The following PARP8 variants were observed in gnomAD, a reference collection of about 807,000 sequenced individuals.
PARP8 encodes the protein poly(ADP-ribose) polymerase family member 8, also known as protein mono-ADP-ribosyltransferase PARP8.
Under a neutral mutation model 124.1 loss-of-function variants are expected in PARP8, and 51 were observed. That is an observed-to-expected ratio of 0.41 (90% CI 0.33 to 0.52). The LOEUF is 0.52. Among genes scored for constraint, PARP8 ranks in the 20% least tolerant of loss-of-function variants. PARP8 has a pLI of 0.21. For synonymous variants in PARP8, 391 were observed against 361.5 expected, an observed-to-expected ratio of 1.08 and a Z score of -0.93; for missense variants, 860 against 1,018.9, an observed-to-expected ratio of 0.84 and a Z score of 2.12.
chr5:50,684,587 T>C (rs4865975), intron 2 of PARP8, among the ~76,000 whole-genome samples: 151,474 of 152,242 alleles, frequency 0.99, 75,359 homozygotes, highest in Middle Eastern at 1. Flanking sequence ...AGTCTAGTCT[T>C]GACAGAGCAC....
intron 2 of PARP8, among the ~76,000 whole-genome samples, chr5:50,703,510 A>G (rs554187419): frequency 3.3e-5 from 5 of 152,192 alleles, no homozygotes; most frequent in South Asian, 4.1e-4. Context: ...ATTCATGATT[A>G]TTATTACTGC....
chr5:50,767,201 G>T (rs2404958), intron 7 of PARP8, among the ~76,000 whole-genome samples: 71,283 of 151,866 alleles, frequency 0.47, 18,704 homozygotes, highest in African/African-American at 0.72. Flanking sequence ...GAGTGAGATA[G>T]AAATCTTTTT....
At chr5:50,709,513 G>A (rs1456561460) in intron 2 of PARP8, among the ~76,000 whole-genome samples, 2 of 151,466 alleles carry the variant, frequency 1.3e-5, no homozygotes, top group East Asian at 1.9e-4. Context: ...TCATATTCAT[G>A]TTGTAGGCTT....
intron 2 of PARP8, among the ~76,000 whole-genome samples, chr5:50,678,015 CCTTGGCA>C (rs1045411240): frequency 6.6e-6 from 1 of 151,490 alleles, no homozygotes; most frequent in African/African-American, 2.4e-5. Flanking sequence ...AGTAAAAGTG[CCTTGGCA>C]CAGAACTAAA....
At position 50,842,638 on chromosome 5, in the gene PARP8, C is replaced by G. The variant is rs534198097; in HGVS notation, c.*570C>G. 1 of 151,870 alleles carries G rather than the reference C, an allele frequency of 6.6e-6. No homozygotes were observed. Among genetic ancestry groups the G allele is most frequent in the Admixed American group, 6.6e-5 (1 of 15,200 alleles). 9.4% of individuals were successfully genotyped at this position (151,870 alleles called of 1,614,324 possible). On this transcript the variant is annotated 3_prime_UTR_variant, in exon 26 of 26. Coordinates refer to ENST00000281631, the MANE Select transcript of PARP8 (RefSeq NM_024615.4). ...TATGTAATATACACATCTATACATT[C>G]ATGCATCAAAATGTGTGGTTGTGAA... is the stretch of plus-strand genomic sequence containing the variant.
chr5:50,684,205 GA>G (rs1751604474), intron 2 of PARP8, among the ~76,000 whole-genome samples: 1 of 152,188 alleles, frequency 6.6e-6, no homozygotes, highest in South Asian at 2.1e-4. Context: ...CTTTGGGTTT[GA>G]AAAGAAATAA....
At chr5:50,667,276 G>A (rs947714566) in intron 1 of PARP8, 90 bp downstream of exon 1, 18 of 1,330,462 alleles carry the variant, frequency 1.4e-5, no homozygotes, top group East Asian at 2.3e-5. Context: ...GGGGTGGAGG[G>A]TTGCACGTCC....
chr5:50,714,084 CT>C (rs34294100), intron 2 of PARP8, among the ~76,000 whole-genome samples: 2,279 of 137,632 alleles, frequency 0.017, 59 homozygotes, highest in African/African-American at 0.051. Context: ...TTCTTTCTTT[CT>C]TTTTTTTTTT....
intron 7 of PARP8, among the ~76,000 whole-genome samples, chr5:50,770,914 G>A (rs766909237): frequency 7.9e-5 from 12 of 151,898 alleles, no homozygotes; most frequent in Non-Finnish European, 1.5e-4. Flanking sequence ...CTTTCATACC[G>A]AAATTTGCAC....
chr5:50,824,999 TAA>T, intron 18 of PARP8, 24 bp downstream of exon 18: 1 of 1,562,586 alleles, frequency 6.4e-7, no homozygotes, highest in South Asian at 1.1e-5. Flanking sequence ...GTTTTCCTCT[TAA>T]TGAAAACAGC....
At chr5:50,756,122 T>C (rs1759917461) in intron 3 of PARP8, among the ~76,000 whole-genome samples, 1 of 152,222 alleles carries the variant, frequency 6.6e-6, no homozygotes, top group African/African-American at 2.4e-5. Flanking sequence ...CCATGTCATC[T>C]GCAAACAGGG....
chr5:50,722,451 A>G (rs968213401), intron 2 of PARP8, among the ~76,000 whole-genome samples: 15 of 152,062 alleles, frequency 9.9e-5, no homozygotes, highest in Non-Finnish European at 1.9e-4. Flanking sequence ...GGGACACAGC[A>G]GTCAGCCAGC....
chr5:50,725,990 T>C (rs1756387314), intron 2 of PARP8, among the ~76,000 whole-genome samples: 1 of 152,168 alleles, frequency 6.6e-6, no homozygotes, highest in Admixed American at 6.6e-5. Flanking sequence ...CTGTTTATGG[T>C]TATGCTACCT....
At chr5:50,783,609 C>T (rs1472439084) in intron 9 of PARP8, among the ~76,000 whole-genome samples, 2 of 152,154 alleles carry the variant, frequency 1.3e-5, no homozygotes, top group Non-Finnish European at 2.9e-5. Flanking sequence ...TGATGGCCAC[C>T]TACATTGTGT....
intron 14 of PARP8, among the ~76,000 whole-genome samples, chr5:50,803,992 C>T (rs1021918670): frequency 5.3e-5 from 8 of 152,072 alleles, no homozygotes; most frequent in African/African-American, 1.7e-4. Flanking sequence ...GTGGTAAGAT[C>T]AGCCAGAGGT....
chr5:50,692,621 G>C (rs780799292), intron 2 of PARP8, among the ~76,000 whole-genome samples: 2 of 152,018 alleles, frequency 1.3e-5, no homozygotes, highest in Non-Finnish European at 2.9e-5. Flanking sequence ...ACCTCATTTA[G>C]ACAACCCTAC....
intron 7 of PARP8, among the ~76,000 whole-genome samples, chr5:50,767,597 C>T (rs1266888989): frequency 6.6e-6 from 1 of 152,192 alleles, no homozygotes; most frequent in Non-Finnish European, 1.5e-5. Flanking sequence ...TACTGTACCT[C>T]TTATGCACAG....
intron 2 of PARP8, among the ~76,000 whole-genome samples, chr5:50,675,704 G>A (rs1330881851): frequency 6.6e-6 from 1 of 152,176 alleles, no homozygotes; most frequent in Non-Finnish European, 1.5e-5. Flanking sequence ...AACCAAGGCA[G>A]AGGCTGATTA....
chr5:50,761,701 G>T, intron 5 of PARP8, 120 bp from the exon 6 acceptor site: 1 of 589,634 alleles, frequency 1.7e-6, no homozygotes, highest in South Asian at 2.2e-5. Context: ...ACTGCACCAA[G>T]ATGTTTTATA....
Sources: gnomAD v4.1 joint callset for allele counts (sites outside exome capture counted in the v4.1 genomes callset) on GRCh38, gnomAD v4.1.1 for gene constraint, MANE v1.5 for transcripts, NCBI Gene and HGNC (gene_info 2026-07-23, HGNC 2026-07-21) for gene names.